The following RBL1 variants were observed in gnomAD, a reference collection of about 807,000 sequenced individuals.
RBL1 encodes the protein retinoblastoma-like protein 1.
Under a neutral mutation model 123.0 loss-of-function variants are expected in RBL1, and 82 were observed. The ratio of observed to expected loss-of-function variants is 0.67; its 90% CI spans 0.56 to 0.80. The LOEUF is 0.80. RBL1 is among the 30% of genes least tolerant of loss of function. RBL1 has a pLI of 0.00. For missense variants in RBL1, 1,171 were observed against 1,299.6 expected (o/e 0.90, Z 1.52); for synonymous variants, 405 against 441.3 (o/e 0.92, Z 1.03).
At chr20:37,002,336 G>GTTTTTTTTTTTTTTTTGTTTTTTTTTTTT (rs2063999070) in intron 21 of RBL1, among the ~76,000 whole-genome samples, 1 of 76,324 alleles carries the variant, frequency 1.3e-5, no homozygotes. Flanking sequence ...AGCCTTATCT[G>GTTTTTTTTTTTTTTTTGTTTTTTTTTTTT]TTTTTTTTTT....
At chr20:37,056,357 T>G in intron 9 of RBL1, 99 bp from the exon 10 acceptor site, 1 of 1,276,586 alleles carries the variant, frequency 7.8e-7, no homozygotes, top group South Asian at 1.7e-5. Flanking sequence ...TCTTCTTTTT[T>G]TTTTTTTTTT....
In RBL1 at chr20:37,011,239, C is replaced by T. The variant is rs138693372; in HGVS notation, c.2723-3680G>A. Among the ~76,000 whole-genome samples, 467 of 152,188 alleles carry T rather than the reference C, an allele frequency of 3.1e-3. 1 individual carries two copies. The highest frequency in any genetic ancestry group is 0.01 in the Middle Eastern group (3 of 294). ...TTGTGTTACTTAGGTTAAGCTATAA[C>T]CTGGGTCTCACAAGTATTCTAATCA... is the stretch of plus-strand genomic sequence containing the variant. On this transcript the variant is annotated intron_variant, in intron 19 of 21. Transcript: ENST00000373664.
At position 37,067,132 on chromosome 20, in the gene RBL1, G is replaced by C. The variant is rs1400958919; in HGVS notation, c.557-11C>G. ...TCATCCGAAAATTACCTTTATAAGG[G>C]AAAAAAAAAAAAAAAAGACACAAAA... is the stretch of plus-strand genomic sequence containing the variant. On this transcript the variant is annotated splice_polypyrimidine_tract_variant and intron_variant, in intron 4 of 21. Transcript: ENST00000373664. 7.0e-7 allele frequency: 1 copy of C among 1,424,330 alleles called. No individual in the cohort carries two copies. Among genetic ancestry groups the C allele is most frequent in the Non-Finnish European group, 9.4e-7 (1 of 1,067,790 alleles). The allele number at this position is 1,424,330 out of a possible 1,614,324, so 88.2% of individuals were successfully genotyped here. A position where few individuals can be genotyped will look rare whatever the true frequency, so the allele number is the denominator to read the frequency against.
At chr20:37,071,659 A>T (rs1335654617) in intron 2 of RBL1, among the ~76,000 whole-genome samples, 1 of 152,154 alleles carries the variant, frequency 6.6e-6, no homozygotes, top group African/African-American at 2.4e-5. Flanking sequence ...AAAAAATAAA[A>T]AAGAAACGTG....
chr20:37,014,830 A>G (rs1254529869), intron 19 of RBL1, among the ~76,000 whole-genome samples: 1 of 152,160 alleles, frequency 6.6e-6, no homozygotes, highest in Non-Finnish European at 1.5e-5. Context: ...TGGGAGGCCA[A>G]GGCGGGTGGA....
chr20:37,006,453 A>G (rs923696872), intron 20 of RBL1, among the ~76,000 whole-genome samples: 2 of 150,946 alleles, frequency 1.3e-5, no homozygotes, highest in Non-Finnish European at 3.0e-5. Flanking sequence ...TAGGCCTCCC[A>G]AAGTGCTGAG....
At position 36,998,577 on chromosome 20, in the gene RBL1, A is replaced by G; in HGVS notation, c.*182T>C. ...AAAATATTCCTTTCCAATCCAACTC[A>G]AAATACATCTCTGTCAACTACATTT... On this transcript the variant is annotated 3_prime_UTR_variant, in exon 22 of 22. Transcript: ENST00000373664. 1 of 577,702 alleles carries G rather than the reference A, an allele frequency of 1.7e-6. No individual in the cohort carries two copies. The highest frequency in any genetic ancestry group is 3.5e-5 in the Admixed American group (1 of 28,450). 35.8% of individuals were successfully genotyped at this position (577,702 alleles called of 1,614,324 possible).
At chr20:37,044,356 G>A in intron 12 of RBL1, 106 bp from the exon 13 acceptor site, 1 of 1,145,066 alleles carries the variant, frequency 8.7e-7, no homozygotes, top group Non-Finnish European at 1.2e-6. Context: ...TCTTTTTTTT[G>A]AGACGGAGTT....
At position 37,061,131 on chromosome 20, in the gene RBL1, G is replaced by A; in HGVS notation, c.1222C>T (p.Pro408Ser). 6.2e-7 allele frequency: 1 copy of A among 1,609,562 alleles called. No homozygotes were observed. Among genetic ancestry groups the A allele is most frequent in the Non-Finnish European group, 8.5e-7 (1 of 1,177,374 alleles). Residue 408 changes from proline to serine, a missense_variant, in exon 9 of 22, where the codon CCA becomes TCA. Physicochemically the swap from Pro to Ser is moderately conservative, Grantham distance 74. Transcript: ENST00000373664. ...QSIVAGLKNA[P>S]SDQLINIFES... is the part of the protein sequence containing the mutation. ...AAAATATTTATAAGTTGGTCACTTG[G>A]TGCATTTTTCAGACCAGCCACAATA...
intron 16 of RBL1, among the ~76,000 whole-genome samples, chr20:37,027,331 C>G (rs1418273548): frequency 6.6e-6 from 1 of 152,138 alleles, no homozygotes; most frequent in East Asian, 1.9e-4. Context: ...AGAGCAAGAC[C>G]CTGTCTCAAA....
At position 36,998,913 on chromosome 20, in the gene RBL1, TTGA is replaced by T. The variant is rs1451769702; in HGVS notation, c.3050_3052del (p.Ile1017del). 6.2e-7 allele frequency: 1 copy of T among 1,612,654 alleles called. No homozygotes were observed. The highest frequency in any genetic ancestry group is 8.5e-7 in the Non-Finnish European group (1 of 1,179,466). ...CTGCTCACCTTGCCTTATCATGTTG[TTGA>T]TATCTTTCAAACTCTGTGCAGAAAT... is the stretch of plus-strand genomic sequence containing the variant. On this transcript the variant is annotated inframe_deletion, in exon 22 of 22. Coordinates refer to ENST00000373664, the MANE Select transcript of RBL1 (RefSeq NM_002895.5).
At chr20:37,017,228 G>T (rs6017004) in intron 19 of RBL1, among the ~76,000 whole-genome samples, 2 of 151,666 alleles carry the variant, frequency 1.3e-5, no homozygotes, top group African/African-American at 2.4e-5. Flanking sequence ...ATAAAAATTC[G>T]CCAGGGTGAT....
Position 37,067,001 on chromosome 20 carries a change from G to T in RBL1, c.677C>A (p.Ser226Ter). The T allele has an allele frequency of 9.3e-6, 15 of 1,606,758 alleles. No individual in the cohort carries two copies. Among genetic ancestry groups the T allele is most frequent in the Non-Finnish European group, 1.3e-5 (15 of 1,175,806 alleles). ...TAAATAAAAGGTCTTACCTTTAAATGATGGATTTAGCAAGTCTTGTCTATT... is the reference window on the plus strand; with the variant it reads ...TAAATAAAAGGTCTTACCTTTAAATTATGGATTTAGCAAGTCTTGTCTATT... ...CPNRQDLLNP[S>*]FKGLPSDFHT... The change falls in exon 5 of 22, where the codon TCA becomes TAA. Residue 226 changes from serine (S) to a stop codon, truncating the protein, a stop_gained. Coordinates refer to ENST00000373664, the MANE Select transcript of RBL1 (RefSeq NM_002895.5). LOFTEE classifies it high-confidence loss of function.
chr20:37,093,949 C>A (rs1189184725), intron 1 of RBL1, among the ~76,000 whole-genome samples: 1 of 151,888 alleles, frequency 6.6e-6, no homozygotes, highest in African/African-American at 2.4e-5. Flanking sequence ...GGCCAAGACC[C>A]TGTTTCTAAG....
chr20:37,030,777 C>T (rs1244929249), intron 16 of RBL1, among the ~76,000 whole-genome samples: 6 of 151,890 alleles, frequency 4.0e-5, no homozygotes, highest in Admixed American at 6.6e-5. Context: ...ATTGCTTGAA[C>T]CCGGGAGGCA....
At chr20:37,095,427 G>A (rs961163329) in intron 1 of RBL1, among the ~76,000 whole-genome samples, 4 of 152,204 alleles carry the variant, frequency 2.6e-5, no homozygotes. Context: ...TGATGTCTTG[G>A]CATGCAGTTC....
rs1568804514 is a variant in RBL1 at position 36,998,657 on chromosome 20, A to G, written c.*102T>C. 2.9e-6 allele frequency: 3 copies of G among 1,034,136 alleles called. No homozygotes were observed. Among genetic ancestry groups the G allele is most frequent in the Non-Finnish European group, 4.1e-6 (3 of 740,508 alleles). 64.1% of individuals were successfully genotyped at this position (1,034,136 alleles called of 1,614,324 possible). A position where few individuals can be genotyped will look rare whatever the true frequency, so the allele number is the denominator to read the frequency against. ...TTTGTGCAATTTTTTCTTATAACCCAGTGATATTTATCATCTATAGGGCTA... is the reference window on the plus strand; with the variant it reads ...TTTGTGCAATTTTTTCTTATAACCCGGTGATATTTATCATCTATAGGGCTA... On this transcript the variant is annotated 3_prime_UTR_variant, in exon 22 of 22. Transcript: ENST00000373664.
intron 12 of RBL1, 133 bp downstream of exon 12, chr20:37,046,920 T>G: frequency 7.7e-7 from 1 of 1,303,042 alleles, no homozygotes; most frequent in African/African-American, 1.6e-5. Context: ...GCCAGGAATA[T>G]ATATTTTCAG....
chr20:37,022,300 C>T (rs1009481345), intron 17 of RBL1, among the ~76,000 whole-genome samples: 4 of 152,158 alleles, frequency 2.6e-5, no homozygotes, highest in Admixed American at 6.6e-5. Flanking sequence ...CAATAAATCA[C>T]GAGAAAGCAA....
Sources: gnomAD v4.1 joint callset for allele counts (sites outside exome capture counted in the v4.1 genomes callset) on GRCh38, gnomAD v4.1.1 for gene constraint, MANE v1.5 for transcripts, NCBI Gene and HGNC (gene_info 2026-07-23, HGNC 2026-07-21) for gene names.